Variants in SAMD5 observed in about 807,000 individuals in gnomAD.
SAMD5 encodes sterile alpha motif domain-containing protein 5.
Under a neutral mutation model 11.3 loss-of-function variants are expected in SAMD5, and 13 were observed. The ratio of observed to expected loss-of-function variants is 1.15; its 90% CI spans 0.75 to 1.83. SAMD5 has a LOEUF of 1.83. Ranked by LOEUF, SAMD5 falls within the 40% of genes most tolerant of loss-of-function variation. SAMD5 has a pLI of 0.00. For missense variants in SAMD5, 255 were observed against 239.1 expected (o/e 1.07, Z -0.44); for synonymous variants, 129 against 111.3 (o/e 1.16, Z -1.00).
chr6:147,933,948 A>G, the SAMD5 span, among the ~76,000 whole-genome samples: 1 of 152,210 alleles, frequency 6.6e-6, no homozygotes, highest in Non-Finnish European at 1.5e-5. Flanking sequence ...GCTGTCACGT[A>G]ACTTAATACT....
At chr6:147,894,481 G>T in the SAMD5 span, among the ~76,000 whole-genome samples, 2 of 152,142 alleles carry the variant, frequency 1.3e-5, no homozygotes, top group South Asian at 4.2e-4. Context: ...TTCCCAATCT[G>T]CCCAGTTCCT....
the SAMD5 span, among the ~76,000 whole-genome samples, chr6:147,802,764 A>G: frequency 6.6e-6 from 1 of 152,240 alleles, no homozygotes; most frequent in African/African-American, 2.4e-5. Flanking sequence ...AGTCAAATAC[A>G]TGCTGAGTGA....
chr6:147,786,086 G>A, the SAMD5 span, among the ~76,000 whole-genome samples: 71 of 152,314 alleles, frequency 4.7e-4, no homozygotes, highest in African/African-American at 1.7e-3. Flanking sequence ...TTACTCTGGA[G>A]TGTAAATTTT....
chr6:147,625,991 A>C lies in SAMD5; in HGVS notation c.163-111326A>C, dbSNP rs149726233. Among the ~76,000 whole-genome samples, 14 of 152,244 alleles carry C rather than the reference A, an allele frequency of 9.2e-5. No homozygotes were observed. The East Asian group carries it at 2.7e-3, about 29-fold the overall frequency. ...TGTTTGCTGTTAAGGGTAGCCATGCAATGTAGTTCTGACCTATGACACCTA... is the reference window on the plus strand; with the variant it reads ...TGTTTGCTGTTAAGGGTAGCCATGCCATGTAGTTCTGACCTATGACACCTA... On this transcript the variant is annotated intron_variant, in intron 1 of 1. Coordinates refer to the SAMD5 transcript ENST00000566741.
At chr6:147,593,007 G>C (rs1038718110) in intron 1 of SAMD5, among the ~76,000 whole-genome samples, 4 of 151,270 alleles carry the variant, frequency 2.6e-5, no homozygotes, top group African/African-American at 9.8e-5. Context: ...ATGTGGTAGA[G>C]TCCTGGGATA....
rs1789069236 is a variant in SAMD5 at position 147,567,921 on chromosome 6, A to G, written c.*3465A>G. On this transcript the variant is annotated 3_prime_UTR_variant, in exon 2 of 2. Coordinates refer to ENST00000367474, the MANE Select transcript of SAMD5 (RefSeq NM_001030060.3). ...GGGCAACAGAGCAAGATCCCGTCTCAAAACAAAACAAAACAAAACAAAACA... is the reference window on the plus strand; with the variant it reads ...GGGCAACAGAGCAAGATCCCGTCTCGAAACAAAACAAAACAAAACAAAACA... 1 of 984,312 alleles carries G rather than the reference A, an allele frequency of 1.0e-6. No homozygotes were observed. 61.0% of individuals were successfully genotyped at this position (984,312 alleles called of 1,614,324 possible).
chr6:147,717,270 T>G (rs1289411642), intron 1 of SAMD5, among the ~76,000 whole-genome samples: 3 of 152,242 alleles, frequency 2.0e-5, no homozygotes, highest in Non-Finnish European at 4.4e-5. Flanking sequence ...TTAATTTCTT[T>G]CCAAAATGGA....
intron 1 of SAMD5, among the ~76,000 whole-genome samples, chr6:147,546,449 G>T (rs1788687364): frequency 6.6e-6 from 1 of 151,672 alleles, no homozygotes. Flanking sequence ...AGAATCTCTT[G>T]AACCCAGGAG....
At chr6:147,528,465 GT>G (rs1342445776) in intron 1 of SAMD5, among the ~76,000 whole-genome samples, 1 of 152,074 alleles carries the variant, frequency 6.6e-6, no homozygotes, top group Non-Finnish European at 1.5e-5. Context: ...AAGGACACCA[GT>G]CATATTGTAT....
At chr6:147,678,377 T>C (rs962059216) in intron 1 of SAMD5, among the ~76,000 whole-genome samples, 1 of 152,348 alleles carries the variant, frequency 6.6e-6, no homozygotes, top group Middle Eastern at 3.4e-3. Context: ...TGTATTGAAT[T>C]TGATAGACTT....
At chr6:147,722,398 G>A (rs988012327) in intron 1 of SAMD5, among the ~76,000 whole-genome samples, 6 of 152,052 alleles carry the variant, frequency 3.9e-5, no homozygotes, top group African/African-American at 1.4e-4. Flanking sequence ...ATTGGCCTAA[G>A]CATGTATTTG....
intron 1 of SAMD5, among the ~76,000 whole-genome samples, chr6:147,666,495 C>T (rs988506758): frequency 7.9e-5 from 12 of 152,084 alleles, no homozygotes; most frequent in African/African-American, 2.2e-4. Context: ...TCCTCAGCTC[C>T]CTGTCAGAGA....
chr6:147,775,560 G>A, the SAMD5 span, among the ~76,000 whole-genome samples: 3 of 152,154 alleles, frequency 2.0e-5, no homozygotes, highest in Admixed American at 1.3e-4. Flanking sequence ...TTAATTCAGT[G>A]GAAGTTGTTT....
At chr6:147,802,000 G>T in the SAMD5 span, among the ~76,000 whole-genome samples, 1 of 152,048 alleles carries the variant, frequency 6.6e-6, no homozygotes, top group Non-Finnish European at 1.5e-5. Context: ...ATGACCTTGG[G>T]ACATGCAGAG....
the SAMD5 span, among the ~76,000 whole-genome samples, chr6:147,933,416 G>A: frequency 5.9e-5 from 9 of 152,274 alleles, no homozygotes; most frequent in East Asian, 1.5e-3. Flanking sequence ...TTCAACATAG[G>A]GTACTGCTAA....
chr6:147,564,527 T>G lies in SAMD5; in HGVS notation c.*71T>G, dbSNP rs1583085471. ...ACTGGAAAAGGGCATATTTAGAACC[T>G]TCTTTCAAAAAGGGAAATGGATGAT... On this transcript the variant is annotated 3_prime_UTR_variant, in exon 2 of 2. Coordinates refer to ENST00000367474, the MANE Select transcript of SAMD5 (RefSeq NM_001030060.3). 7 of 946,616 alleles carry G rather than the reference T, an allele frequency of 7.4e-6. No homozygotes were observed. The East Asian group carries it at 1.7e-4, about 23-fold the overall frequency. 58.6% of individuals were successfully genotyped at this position (946,616 alleles called of 1,614,324 possible).
chr6:147,675,136 C>A (rs1790845268), intron 1 of SAMD5, among the ~76,000 whole-genome samples: 1 of 152,154 alleles, frequency 6.6e-6, no homozygotes, highest in Non-Finnish European at 1.5e-5. Context: ...CCCTCAAAGA[C>A]ATAAAAACCA....
At chr6:147,774,373 T>C in the SAMD5 span, among the ~76,000 whole-genome samples, 2 of 152,300 alleles carry the variant, frequency 1.3e-5, no homozygotes, top group South Asian at 4.1e-4. Context: ...AATTGTCCCT[T>C]GATATCCATA....
the SAMD5 span, among the ~76,000 whole-genome samples, chr6:147,917,425 T>G: frequency 6.6e-6 from 1 of 151,830 alleles, no homozygotes; most frequent in East Asian, 1.9e-4. Context: ...TCTTGTAAAT[T>G]TGTTGGAGTT....
Sources: allele counts gnomAD v4.1 joint callset (sites outside exome capture counted in the v4.1 genomes callset), GRCh38; gene constraint gnomAD v4.1.1; transcripts MANE v1.5; gene names NCBI Gene and HGNC (gene_info 2026-07-23, HGNC 2026-07-21).